YAF2: variants seen among roughly 807,000 people sequenced by gnomAD.
YAF2 encodes YY1-associated factor 2.
Under a neutral mutation model 20.1 loss-of-function variants are expected in YAF2, and 7 were observed. The observed-to-expected ratio is 0.35, with a 90% confidence interval of 0.20 to 0.65. YAF2 has a LOEUF of 0.65. YAF2 is among the 30% of genes least tolerant of loss of function. The pLI is 0.69. For synonymous variants in YAF2, 74 were observed against 76.0 expected (o/e 0.97, Z 0.14); for missense variants, 151 against 219.2 (o/e 0.69, Z 1.96).
At chr12:42,182,146 AG>A (rs1223780678) in intron 2 of YAF2, among the ~76,000 whole-genome samples, 50 of 152,344 alleles carry the variant, frequency 3.3e-4, no homozygotes, top group African/African-American at 1.1e-3. Flanking sequence ...AAACTACAAA[AG>A]CATCATTTAT....
In YAF2 at chr12:42,159,476, A is replaced by G. The variant is rs1015136351; in HGVS notation, c.*1113T>C. The stretch of plus-strand genomic sequence containing the variant: ...AAAAATATTTTATTGGTAATTTTAC[A>G]TAGTATAAGTGGGGCTATACTTTTT... On this transcript the variant is annotated 3_prime_UTR_variant, in exon 4 of 4. Coordinates refer to ENST00000534854, the MANE Select transcript of YAF2 (RefSeq NM_005748.6). 4 of 152,144 alleles carry G rather than the reference A, an allele frequency of 2.6e-5. No homozygotes were observed. The highest frequency in any genetic ancestry group is 3.8e-4 in the East Asian group (2 of 5,198). The allele number at this position is 152,144 out of a possible 1,614,324, so 9.4% of individuals were successfully genotyped here.
chr12:42,230,406 GATT>G (rs2067951009), intron 2 of YAF2, among the ~76,000 whole-genome samples: 1 of 152,280 alleles, frequency 6.6e-6, no homozygotes, highest in South Asian at 2.1e-4. Flanking sequence ...TTTAGGGATA[GATT>G]ATTATTATGG....
chr12:42,225,921 A>T (rs1205016215), intron 2 of YAF2, among the ~76,000 whole-genome samples: 1 of 152,162 alleles, frequency 6.6e-6, no homozygotes, highest in East Asian at 1.9e-4. Context: ...AAGAAAGTCA[A>T]TGGTAGCTTG....
At chr12:42,231,255 A>C (rs572263028) in intron 2 of YAF2, 37 of 152,292 alleles carry the variant, frequency 2.4e-4, no homozygotes, top group African/African-American at 8.4e-4. Context: ...AAAACTTATT[A>C]TTTTCCAAAA....
At chr12:42,226,305 T>C (rs550794200) in intron 2 of YAF2, among the ~76,000 whole-genome samples, 2 of 152,216 alleles carry the variant, frequency 1.3e-5, no homozygotes, top group African/African-American at 2.4e-5. Flanking sequence ...AACAATATTA[T>C]ACAACTTGCC....
chr12:42,205,738 G>T (rs570596764), intron 2 of YAF2: 14 of 225,614 alleles, frequency 6.2e-5, no homozygotes, highest in South Asian at 6.0e-4. Context: ...TTCTTCCTTT[G>T]GCTCTACTCT....
Position 42,160,653 on chromosome 12 carries a change from C to T in YAF2, c.479G>A (p.Arg160Lys). ...GGGTGAAGATGACCTGGACATTCCTCTCTCTGTGTTATCAGAGCTAGAGCC... is the reference window on the plus strand; with the variant it reads ...GGGTGAAGATGACCTGGACATTCCTTTCTCTGTGTTATCAGAGCTAGAGCC... ...QSGSSSDNTE[R>K]GMSRSSSPRG... The change falls in exon 4 of 4, where the codon AGA becomes AAA. Residue 160 changes from arginine (R) to lysine (K), a missense_variant. This residue lies in a region of YAF2 where 51 missense variants were observed against 48.9 expected (regional missense o/e 1.04). Coordinates refer to ENST00000534854, the MANE Select transcript of YAF2 (RefSeq NM_005748.6). 6.2e-7 allele frequency: 1 copy of T among 1,613,836 alleles called. No homozygotes were observed. Among genetic ancestry groups the T allele is most frequent in the Non-Finnish European group, 8.5e-7 (1 of 1,179,880 alleles).
intron 2 of YAF2, chr12:42,235,979 C>G: frequency 6.5e-7 from 1 of 1,536,080 alleles, no homozygotes; most frequent in Non-Finnish European, 8.7e-7. Context: ...ACACCAGCTT[C>G]CCCCCTTCCT....
chr12:42,233,356 C>G (rs561495097), intron 2 of YAF2: 1 of 985,242 alleles, frequency 1.0e-6, no homozygotes, highest in African/African-American at 1.7e-5. Flanking sequence ...ATTTTCATTT[C>G]TAAATATTTG....
At chr12:42,218,863 T>TG (rs1005556171) in intron 2 of YAF2, among the ~76,000 whole-genome samples, 4 of 150,538 alleles carry the variant, frequency 2.7e-5, no homozygotes, top group Non-Finnish European at 5.9e-5. Flanking sequence ...AGAAGATGAG[T>TG]GGGGGGAAAA....
intron 2 of YAF2, among the ~76,000 whole-genome samples, chr12:42,216,680 T>C (rs559010511): frequency 6.6e-6 from 1 of 152,198 alleles, no homozygotes; most frequent in East Asian, 1.9e-4. Flanking sequence ...CTATCAAATA[T>C]GTATTTACAG....
rs550669478 is a variant in YAF2 at position 42,196,577 on chromosome 12, G to A, written c.153-34812C>T. 1.2e-4 allele frequency among the ~76,000 whole-genome samples: 19 copies of A among 152,156 alleles called. 1 individual carries two copies. The highest frequency in any genetic ancestry group is 1.9e-4 in the Non-Finnish European group (13 of 68,034). ...AGTTGCAAGTTGAATTATCTACAGA[G>A]ACTAAATAAGTAATAAAAAGGAATA... On this transcript the variant is annotated intron_variant, in intron 2 of 3. Coordinates refer to ENST00000534854, the MANE Select transcript of YAF2 (RefSeq NM_005748.6).
At chr12:42,202,245 C>G (rs545436995) in intron 2 of YAF2, among the ~76,000 whole-genome samples, 1 of 152,224 alleles carries the variant, frequency 6.6e-6, no homozygotes, top group East Asian at 1.9e-4. Flanking sequence ...TTTTCCTGTA[C>G]TAATACTATA....
chr12:42,171,454 A>G (rs572616746), intron 2 of YAF2, among the ~76,000 whole-genome samples: 32 of 152,200 alleles, frequency 2.1e-4, no homozygotes, highest in African/African-American at 7.5e-4. Flanking sequence ...CATACCTCTG[A>G]ATAGCCACTG....
intron 2 of YAF2, among the ~76,000 whole-genome samples, chr12:42,174,841 A>G (rs149848477): frequency 2.0e-5 from 3 of 152,366 alleles, no homozygotes; most frequent in South Asian, 2.1e-4. Context: ...ATTTGTAAAA[A>G]TAACACTTAA....
intron 2 of YAF2, among the ~76,000 whole-genome samples, chr12:42,214,347 C>T (rs542480294): frequency 6.6e-6 from 1 of 152,338 alleles, no homozygotes; most frequent in East Asian, 1.9e-4. Flanking sequence ...TCTCAGCTCA[C>T]TGCAACCTCC....
chr12:42,204,059 C>T (rs530524321), intron 2 of YAF2, among the ~76,000 whole-genome samples: 53 of 152,090 alleles, frequency 3.5e-4, no homozygotes, highest in African/African-American at 1.2e-3. Flanking sequence ...ACAGCAAGAC[C>T]CCATCTCTAA....
chr12:42,229,690 G>A (rs932831638), intron 2 of YAF2, among the ~76,000 whole-genome samples: 3 of 152,216 alleles, frequency 2.0e-5, no homozygotes, highest in Admixed American at 6.5e-5. Flanking sequence ...AGATGGTACA[G>A]CCTACTACAT....
intron 2 of YAF2, among the ~76,000 whole-genome samples, chr12:42,209,761 T>G (rs1484228346): frequency 6.6e-6 from 1 of 152,128 alleles, no homozygotes; most frequent in African/African-American, 2.4e-5. Context: ...CTATATTGCT[T>G]TAGAACAACT....
Sources: gnomAD v4.1 joint callset for allele counts (sites outside exome capture counted in the v4.1 genomes callset) on GRCh38, gnomAD v4.1.1 for gene constraint, gnomAD v4.1.1 regional missense constraint, MANE v1.5 for transcripts, NCBI Gene and HGNC (gene_info 2026-07-23, HGNC 2026-07-21) for gene names.